PCDH15: variants seen among roughly 807,000 people sequenced by gnomAD.
The protein encoded by PCDH15 is protocadherin related 15.
In PCDH15, 129 loss-of-function variants were observed where a neutral mutation model predicts 178.5. The ratio of observed to expected loss-of-function variants is 0.72; its 90% CI spans 0.63 to 0.84. The LOEUF is 0.84. PCDH15 is among the 40% of genes least tolerant of loss of function. PCDH15 has a pLI of 0.00. For synonymous variants in PCDH15, 800 were observed against 732.0 expected, an observed-to-expected ratio of 1.09 and a Z score of -1.50; for missense variants, 2,230 against 2,099.9, an observed-to-expected ratio of 1.06 and a Z score of -1.21.
chr10:54,418,328 A>G (rs1020379123), intron 3 of PCDH15, among the ~76,000 whole-genome samples: 1 of 152,144 alleles, frequency 6.6e-6, no homozygotes, highest in African/African-American at 2.4e-5. Context: ...TTAAAAATAA[A>G]AGACAAAAGT....
chr10:54,064,556 TGAG>T (rs1590201229), intron 18 of PCDH15, among the ~76,000 whole-genome samples: 1 of 152,104 alleles, frequency 6.6e-6, no homozygotes, highest in Non-Finnish European at 1.5e-5. Context: ...AGGCTGTTTA[TGAG>T]GAGAAGTGCC....
rs886464332 is a variant in PCDH15, at chr10:53,805,544, T to C, written c.*1035A>G. On this transcript the variant is annotated 3_prime_UTR_variant, in exon 38 of 38. Transcript: ENST00000644397. ...CATAAATATGTGCATTAAAATATTCTATAAATAACCTGAAAATGGAAGAAG... is the reference window on the plus strand; with the variant it reads ...CATAAATATGTGCATTAAAATATTCCATAAATAACCTGAAAATGGAAGAAG... The C allele has an allele frequency of 2.6e-5, 4 of 152,120 alleles. No homozygotes were observed. The highest frequency in any genetic ancestry group is 4.4e-5 in the Non-Finnish European group (3 of 68,004). The allele number at this position is 152,120 out of a possible 1,614,324, so 9.4% of individuals were successfully genotyped here.
At chr10:54,853,287 G>A (rs11004598) in intron 3 of PCDH15, among the ~76,000 whole-genome samples, 599 of 56,456 alleles carry the variant, frequency 0.011, 1 homozygote, top group African/African-American at 0.037. Context: ...GTATGTATGT[G>A]TGTATATATA....
intron 7 of PCDH15, among the ~76,000 whole-genome samples, chr10:54,329,065 A>G (rs995401110): frequency 6.6e-6 from 1 of 151,948 alleles, no homozygotes; most frequent in Non-Finnish European, 1.5e-5. Context: ...ATTAGCATAA[A>G]CTTCAGTTAT....
At chr10:55,573,235 A>G (rs957574179) in intron 2 of PCDH15, among the ~76,000 whole-genome samples, 5 of 152,222 alleles carry the variant, frequency 3.3e-5, no homozygotes, top group East Asian at 3.9e-4. Flanking sequence ...AAAGCAACAA[A>G]GGTAAATGTA....
intron 2 of PCDH15, among the ~76,000 whole-genome samples, chr10:55,472,394 A>G (rs575183543): frequency 1.3e-5 from 2 of 148,744 alleles, no homozygotes; most frequent in East Asian, 2.0e-4. Context: ...TTTAATTTCA[A>G]TTTTCATTTT....
intron 2 of PCDH15, among the ~76,000 whole-genome samples, chr10:55,133,209 C>T (rs142345255): frequency 1.3e-5 from 2 of 152,238 alleles, no homozygotes; most frequent in East Asian, 3.9e-4. Flanking sequence ...AAAGCTGGCT[C>T]TGATCAAGGT....
At chr10:55,274,259 G>C (rs1332630735) in intron 1 of PCDH15, among the ~76,000 whole-genome samples, 1 of 152,040 alleles carries the variant, frequency 6.6e-6, no homozygotes, top group Non-Finnish European at 1.5e-5. Context: ...TACACCACAG[G>C]TGATTATGAT....
At chr10:54,391,273 A>G (rs1335607135) in intron 3 of PCDH15, among the ~76,000 whole-genome samples, 1 of 152,156 alleles carries the variant, frequency 6.6e-6, no homozygotes, top group Admixed American at 6.5e-5. Context: ...GTGATGCCAC[A>G]CCTGGCAAAA....
intron 21 of PCDH15, among the ~76,000 whole-genome samples, chr10:53,969,330 C>T (rs774207208): frequency 9.2e-5 from 14 of 152,136 alleles, no homozygotes; most frequent in Non-Finnish European, 1.9e-4. Context: ...AAGAAATGAA[C>T]AAAGCCTCCA....
intron 2 of PCDH15, among the ~76,000 whole-genome samples, chr10:55,158,078 G>GTGTGTA (rs1335196401): frequency 8.5e-6 from 1 of 117,144 alleles, no homozygotes; most frequent in African/African-American, 3.5e-5. Context: ...GTATGTGTGT[G>GTGTGTA]TATATATATA....
At chr10:54,620,185 C>A (rs1334724906) in intron 2 of PCDH15, among the ~76,000 whole-genome samples, 1 of 151,880 alleles carries the variant, frequency 6.6e-6, no homozygotes, top group Non-Finnish European at 1.5e-5. Flanking sequence ...AGTTTGCTGA[C>A]CCCCAACTCA....
At chr10:54,427,255 T>C (rs1432296102) in intron 3 of PCDH15, among the ~76,000 whole-genome samples, 2 of 149,878 alleles carry the variant, frequency 1.3e-5, no homozygotes, top group Non-Finnish European at 3.0e-5. Flanking sequence ...CTCTCATTTC[T>C]TTCTCTTTTT....
intron 1 of PCDH15, among the ~76,000 whole-genome samples, chr10:54,675,587 C>T (rs1012796199): frequency 2.0e-5 from 3 of 150,092 alleles, no homozygotes; most frequent in Admixed American, 1.3e-4. Flanking sequence ...TTTCATATTT[C>T]GACCTAAGAA....
chr10:54,851,833 T>C (rs1327704861), intron 3 of PCDH15, among the ~76,000 whole-genome samples: 1 of 152,084 alleles, frequency 6.6e-6, no homozygotes, highest in Non-Finnish European at 1.5e-5. Context: ...GCCTACCAAA[T>C]TGCTGGGATT....
At chr10:53,932,076 G>T (rs1352596000) in intron 25 of PCDH15, among the ~76,000 whole-genome samples, 3 of 152,128 alleles carry the variant, frequency 2.0e-5, no homozygotes, top group Non-Finnish European at 4.4e-5. Context: ...GTCAGACCTG[G>T]GTTTAAAACA....
chr10:55,016,103 A>T lies in PCDH15; in HGVS notation c.-79-118603T>A, dbSNP rs866473132. On this transcript the variant is annotated intron_variant, in intron 2 of 5. Transcript: ENST00000458638. ...CCTCAATGACCTTTTTTTTTTAAAA[A>T]AAAAAAAAAAAAAAAAGACTGTGGG... 5.0e-3 allele frequency among the ~76,000 whole-genome samples: 353 copies of T among 70,482 alleles called. 1 individual carries two copies. Among genetic ancestry groups the T allele is most frequent in the Middle Eastern group, 0.013 (2 of 160 alleles). The allele number at this position is 70,482 out of a possible 152,430, so 46.2% of individuals were successfully genotyped here. A position where few individuals can be genotyped will look rare whatever the true frequency, so the allele number is the denominator to read the frequency against.
intron 3 of PCDH15, among the ~76,000 whole-genome samples, chr10:54,812,373 C>A (rs1952876795): frequency 6.6e-6 from 1 of 151,030 alleles, no homozygotes; most frequent in African/African-American, 2.4e-5. Flanking sequence ...TGGGTTCAAG[C>A]GATTCTCCTG....
intron 3 of PCDH15, among the ~76,000 whole-genome samples, chr10:54,867,958 C>A (rs1410051358): frequency 6.6e-6 from 1 of 152,104 alleles, no homozygotes; most frequent in African/African-American, 2.4e-5. Context: ...AAAAATAGAC[C>A]TTTAATGTTC....
Sources: gnomAD v4.1 joint callset for allele counts (sites outside exome capture counted in the v4.1 genomes callset) on GRCh38, gnomAD v4.1.1 for gene constraint, MANE v1.5 for transcripts, NCBI Gene and HGNC (gene_info 2026-07-23, HGNC 2026-07-21) for gene names.